Variants in LRRIQ1 observed in about 807,000 individuals in gnomAD.
The protein encoded by LRRIQ1 is leucine rich repeats and IQ motif containing 1, also known as leucine-rich repeat- and IQ domain-containing protein 1.
Under a neutral mutation model 211.9 loss-of-function variants are expected in LRRIQ1, and 210 were observed. The observed-to-expected ratio is 0.99, with a 90% confidence interval of 0.89 to 1.11. LRRIQ1 has a LOEUF of 1.11. Among genes scored for constraint, LRRIQ1 ranks in the 50% most tolerant of loss-of-function variants. LRRIQ1 has a pLI of 0.00. For synonymous variants in LRRIQ1, 699 were observed against 650.1 expected (o/e 1.08, Z -1.14); for missense variants, 2,136 against 1,939.5 (o/e 1.10, Z -1.90).
At chr12:85,193,686 A>T (rs1892724677) in intron 24 of LRRIQ1, among the ~76,000 whole-genome samples, 1 of 152,116 alleles carries the variant, frequency 6.6e-6, no homozygotes, top group African/African-American at 2.4e-5. Flanking sequence ...TAAACATGGA[A>T]AGGAACAACC....
At chr12:85,142,660 ATACT>A (rs1405434545) in intron 19 of LRRIQ1, among the ~76,000 whole-genome samples, 5 of 151,476 alleles carry the variant, frequency 3.3e-5, no homozygotes, top group Non-Finnish European at 7.4e-5. Context: ...AATCACCATT[ATACT>A]CTCTACTTCT....
intron 24 of LRRIQ1, among the ~76,000 whole-genome samples, chr12:85,214,660 A>G (rs7964857): frequency 0.12 from 17,914 of 152,064 alleles, 2,145 homozygotes; most frequent in African/African-American, 0.31. Flanking sequence ...GGGTTTTCTA[A>G]ATCTTATTTT....
intron 18 of LRRIQ1, among the ~76,000 whole-genome samples, chr12:85,136,774 C>A (rs944778177): frequency 6.6e-6 from 1 of 151,846 alleles, no homozygotes; most frequent in Non-Finnish European, 1.5e-5. Context: ...TTTAAAATCT[C>A]TTTTGTGGCC....
intron 1 of LRRIQ1, among the ~76,000 whole-genome samples, chr12:85,260,340 C>T (rs1173542863): frequency 6.6e-6 from 1 of 151,432 alleles, no homozygotes; most frequent in East Asian, 1.9e-4. Context: ...TGAAGAAAAC[C>T]CTGAAGACAT....
intron 19 of LRRIQ1, among the ~76,000 whole-genome samples, chr12:85,143,822 A>G (rs1889704596): frequency 6.6e-6 from 1 of 151,604 alleles, no homozygotes; most frequent in South Asian, 2.1e-4. Context: ...TCACTTGCAG[A>G]TATCTTTCTA....
chr12:85,204,836 G>C (rs1183797659), intron 24 of LRRIQ1, among the ~76,000 whole-genome samples: 1 of 152,160 alleles, frequency 6.6e-6, no homozygotes. Context: ...GGACTTTTGA[G>C]TTAATTCTGA....
intron 24 of LRRIQ1, among the ~76,000 whole-genome samples, chr12:85,190,372 A>G (rs1012060895): frequency 1.4e-5 from 2 of 146,892 alleles, no homozygotes; most frequent in Non-Finnish European, 3.0e-5. Flanking sequence ...TATACAGTTA[A>G]TAAATATACA....
chr12:85,224,909 A>G (rs1455564670), intron 24 of LRRIQ1, among the ~76,000 whole-genome samples: 1 of 152,104 alleles, frequency 6.6e-6, no homozygotes. Context: ...TTAAAAACCT[A>G]TTATATAATA....
chr12:85,087,522 G>T (rs1884954444), intron 11 of LRRIQ1, among the ~76,000 whole-genome samples: 1 of 152,184 alleles, frequency 6.6e-6, no homozygotes, highest in African/African-American at 2.4e-5. Flanking sequence ...TCACTACACT[G>T]TCTTCCACAA....
At chr12:85,100,580 TA>T (rs1886277659) in intron 13 of LRRIQ1, among the ~76,000 whole-genome samples, 1 of 151,778 alleles carries the variant, frequency 6.6e-6, no homozygotes, top group East Asian at 1.9e-4. Flanking sequence ...ACTTAATTTT[TA>T]AAACTCATCT....
chr12:85,212,922 C>T (rs1294491188), intron 24 of LRRIQ1, among the ~76,000 whole-genome samples: 3 of 149,754 alleles, frequency 2.0e-5, no homozygotes, highest in South Asian at 2.1e-4. Flanking sequence ...AGTACTCTAT[C>T]GAATATGGAG....
chr12:85,248,459 A>G (rs576084506), downstream of LRRIQ1, among the ~76,000 whole-genome samples: 1 of 151,644 alleles, frequency 6.6e-6, no homozygotes, highest in South Asian at 2.1e-4. Context: ...TTGAATGCTC[A>G]CTGCTCCCTG....
At chr12:85,204,606 G>A (rs1893453583) in intron 24 of LRRIQ1, among the ~76,000 whole-genome samples, 1 of 152,194 alleles carries the variant, frequency 6.6e-6, no homozygotes, top group Admixed American at 6.5e-5. Context: ...GGAGTCAAAG[G>A]AGATCATTTT....
rs1406852323 is a variant in LRRIQ1, at chr12:85,055,907, A to G, written c.1114A>G (p.Lys372Glu). 6.3e-7 allele frequency: 1 copy of G among 1,597,978 alleles called. No homozygotes were observed. Among genetic ancestry groups the G allele is most frequent in the Non-Finnish European group, 8.5e-7 (1 of 1,175,680 alleles). Residue 372 changes from lysine (K) to glutamate (E), a missense_variant, in exon 8 of 27, where the codon AAA (lysine) becomes GAA (glutamate). Transcript: ENST00000393217. ...KEYEEKKNIV[K>E]QEREQLISKE... The stretch of plus-strand genomic sequence containing the variant: ...ATATGAAGAAAAAAAGAATATTGTG[A>G]AACAGGAAAGAGAGCAACTAATAAG...
chr12:85,074,547 T>G (rs923370574), intron 11 of LRRIQ1, among the ~76,000 whole-genome samples: 3 of 151,694 alleles, frequency 2.0e-5, no homozygotes, highest in African/African-American at 4.8e-5. Context: ...ATTCATTCTG[T>G]TTTTTTTATA....
chr12:85,199,956 C>T (rs1165654541), intron 24 of LRRIQ1, among the ~76,000 whole-genome samples: 1 of 152,124 alleles, frequency 6.6e-6, no homozygotes. Flanking sequence ...TGTTCAGGCT[C>T]TTTTTGGTAT....
chr12:85,124,766 GT>G lies in LRRIQ1; in HGVS notation c.4007+254del, dbSNP rs555319496. The G allele has an allele frequency of 3.6e-4, 133 of 367,076 alleles. No homozygotes were observed. In the South Asian group the frequency reaches 3.7e-3, roughly 10 times the overall value. 22.7% of individuals were successfully genotyped at this position (367,076 alleles called of 1,614,324 possible). On this transcript the variant is annotated intron_variant, in intron 17 of 26. Transcript: ENST00000393217. The stretch of plus-strand genomic sequence containing the variant: ...GTAGTATTTAAATGAGTAAATGTGA[GT>G]TTTTTTCTGCCTTGTAATTTCTAAA...
chr12:85,188,263 C>G (rs568834792), intron 24 of LRRIQ1, among the ~76,000 whole-genome samples: 1 of 152,092 alleles, frequency 6.6e-6, no homozygotes, highest in African/African-American at 2.4e-5. Flanking sequence ...CCAAGATTGA[C>G]TGGTATGGAT....
intron 3 of LRRIQ1, among the ~76,000 whole-genome samples, chr12:85,043,881 A>G (rs565132068): frequency 1.3e-5 from 2 of 152,240 alleles, no homozygotes; most frequent in South Asian, 2.1e-4. Context: ...ATTCTGGCTC[A>G]TAGAAATTAA....
Sources: gnomAD v4.1 joint callset for allele counts (sites outside exome capture counted in the v4.1 genomes callset) on GRCh38, gnomAD v4.1.1 for gene constraint, MANE v1.5 for transcripts, NCBI Gene and HGNC (gene_info 2026-07-23, HGNC 2026-07-21) for gene names.